The following MYH14 variants were observed in gnomAD, a reference collection of about 807,000 sequenced individuals.
MYH14 encodes myosin-14.
A neutral mutation model predicts 255.5 loss-of-function variants in MYH14; 123 were observed. The observed-to-expected ratio is 0.48, with a 90% confidence interval of 0.42 to 0.56. The LOEUF (loss-of-function observed/expected upper bound fraction) is 0.56, where lower values mean the gene tolerates loss of function less well. MYH14 is among the 20% of genes least tolerant of loss of function. MYH14 has a pLI of 0.00. For synonymous variants in MYH14, 1,095 were observed against 1,161.2 expected (o/e 0.94, Z 1.16); for missense variants, 2,423 against 2,802.3 (o/e 0.86, Z 3.06).
intron 32 of MYH14, among the ~76,000 whole-genome samples, chr19:50,281,017 C>T (rs2035700184): frequency 6.6e-6 from 1 of 152,196 alleles, no homozygotes; most frequent in Non-Finnish European, 1.5e-5. Flanking sequence ...TGAGTCTCCC[C>T]ACCAGACTGA....
intron 2 of MYH14, among the ~76,000 whole-genome samples, chr19:50,214,569 G>A (rs1314771684): frequency 1.3e-5 from 2 of 152,120 alleles, no homozygotes; most frequent in African/African-American, 4.8e-5. Context: ...CTAGGTGATG[G>A]GTTAAAAGCC....
intron 30 of MYH14, among the ~76,000 whole-genome samples, chr19:50,279,691 A>G (rs981662348): frequency 2.6e-5 from 4 of 152,262 alleles, no homozygotes; most frequent in African/African-American, 9.6e-5. Flanking sequence ...CTATTGCCGA[A>G]TAATGCCCGT....
At chr19:50,233,124 A>G (rs1203568693) in intron 10 of MYH14, among the ~76,000 whole-genome samples, 1 of 151,662 alleles carries the variant, frequency 6.6e-6, no homozygotes, top group Non-Finnish European at 1.5e-5. Flanking sequence ...ATTTGGTGTT[A>G]AATGCTCAGC....
intron 34 of MYH14, among the ~76,000 whole-genome samples, chr19:50,287,758 T>C (rs1366742123): frequency 6.6e-6 from 1 of 152,160 alleles, no homozygotes. Context: ...TATGTACACA[T>C]ACAGCATGAG....
intron 39 of MYH14, among the ~76,000 whole-genome samples, chr19:50,296,108 CA>C (rs79336591): frequency 0.032 from 3,863 of 119,410 alleles, 128 homozygotes; most frequent in African/African-American, 0.1. Flanking sequence ...GACTTTGTCT[CA>C]AAAAAAAAAA....
At chr19:50,207,496 G>A (rs10403901) in intron 1 of MYH14, among the ~76,000 whole-genome samples, 3,215 of 152,120 alleles carry the variant, frequency 0.021, 113 homozygotes, top group African/African-American at 0.073. Context: ...AGCTGGAGCT[G>A]GATCCACCCC....
At chr19:50,302,284 TAAA>T (rs57153887) in intron 40 of MYH14, among the ~76,000 whole-genome samples, 1 of 117,376 alleles carries the variant, frequency 8.5e-6, no homozygotes, top group African/African-American at 3.4e-5. Context: ...ACCTTGTCTC[TAAA>T]AAAAAAAAAA....
chr19:50,222,392 A>T (rs2032874735), intron 3 of MYH14, among the ~76,000 whole-genome samples: 1 of 147,968 alleles, frequency 6.8e-6, no homozygotes, highest in Admixed American at 6.9e-5. Flanking sequence ...AGGCAGGAGA[A>T]TGGCGTGAAC....
intron 40 of MYH14, among the ~76,000 whole-genome samples, chr19:50,305,136 G>C (rs2036612781): frequency 6.6e-6 from 1 of 152,078 alleles, no homozygotes; most frequent in Non-Finnish European, 1.5e-5. Context: ...GACACGGCCA[G>C]CTCTAGGTAT....
chr19:50,249,846 C>T, intron 14 of MYH14, 23 bp downstream of exon 14: 2 of 1,613,206 alleles, frequency 1.2e-6, no homozygotes, highest in Non-Finnish European at 1.7e-6. Context: ...CCCCTCCCAG[C>T]CCACACTCAC....
At chr19:50,272,117 C>A in intron 26 of MYH14, 145 bp downstream of exon 26, 1 of 1,087,780 alleles carries the variant, frequency 9.2e-7, no homozygotes, top group Non-Finnish European at 1.3e-6. Context: ...GTCCTCCCAG[C>A]TCTTGAGTTC....
Position 50,210,471 on chromosome 19 carries a change from G to A in MYH14, c.106G>A (p.Ala36Thr), listed in dbSNP as rs772573950. ...CCTGTTCACGCCCCGCGGGCCCAGC[G>A]CGGGTGGCGGGCCTGGCTCGGGCAC... ...PFLFTPRGPS[A>T]GGGPGSGTSP... Residue 36 changes from alanine (A) to threonine (T), a missense_variant, in exon 2 of 43, where the codon GCG becomes ACG. By Grantham distance (58) the Ala-to-Thr change is moderately conservative (BLOSUM62 0). Transcript: ENST00000642316. 18 of 1,548,666 alleles carry A rather than the reference G, an allele frequency of 1.2e-5. No individual in the cohort carries two copies. The highest frequency in any genetic ancestry group is 8.3e-5 in the African/African-American group (6 of 72,254).
intron 10 of MYH14, among the ~76,000 whole-genome samples, chr19:50,242,228 A>T (rs1435204218): frequency 6.6e-6 from 1 of 152,006 alleles, no homozygotes; most frequent in Non-Finnish European, 1.5e-5. Flanking sequence ...ACTTTCTAGA[A>T]CTCTGCACAG....
intron 40 of MYH14, among the ~76,000 whole-genome samples, chr19:50,304,893 C>T (rs2036606083): frequency 6.6e-6 from 1 of 152,038 alleles, no homozygotes; most frequent in South Asian, 2.1e-4. Flanking sequence ...GCTTAGAGTC[C>T]CAAGTCAGTT....
Position 50,244,632 on chromosome 19 carries a change from C to T in MYH14, c.1210+295C>T, listed in dbSNP as rs545666387. ...CTGAGTAGCTGGGACTACAGGCGCC[C>T]GCCACCACGCCCGGCTAATTGTTTG... On this transcript the variant is annotated intron_variant, in intron 11 of 42. Transcript: ENST00000642316. Among the ~76,000 whole-genome samples, 177 of 152,026 alleles carry T rather than the reference C, an allele frequency of 1.2e-3. 1 individual carries two copies. Among genetic ancestry groups the T allele is most frequent in the African/African-American group, 3.7e-3 (152 of 41,496 alleles).
intron 15 of MYH14, among the ~76,000 whole-genome samples, chr19:50,251,405 C>T (rs113108286): frequency 6.6e-5 from 10 of 151,790 alleles, no homozygotes; most frequent in South Asian, 4.2e-4. Flanking sequence ...CTCTTGCCCC[C>T]AGAAGGGCCC....
chr19:50,227,030 A>C, intron 8 of MYH14, 64 bp downstream of exon 8: 1 of 1,379,630 alleles, frequency 7.2e-7, no homozygotes, highest in Non-Finnish European at 9.9e-7. Context: ...AGCACTGAGT[A>C]TGGAAAGCAC....
intron 4 of MYH14, 31 bp from the exon 5 acceptor site, chr19:50,223,216 A>G (rs1363931550): frequency 6.2e-7 from 1 of 1,610,780 alleles, no homozygotes; most frequent in South Asian, 1.1e-5. Flanking sequence ...GTCATTGCCA[A>G]CCCCTTTGCT....
At position 50,281,894 on chromosome 19, in the gene MYH14, TC is replaced by T. The variant is rs993346180; in HGVS notation, c.4539+55del. ...GGGAATCAGCAAGTCCATCTACGCT[TC>T]CCATGGTCGTTGTGAGGAACCAGTA... On this transcript the variant is annotated intron_variant, in intron 33 of 42. Transcript: ENST00000642316. 9.5e-6 allele frequency: 15 copies of T among 1,574,590 alleles called. No homozygotes were observed. In the African/African-American group the frequency reaches 1.1e-4, roughly 11 times the overall value.
Sources: allele counts gnomAD v4.1 joint callset (sites outside exome capture counted in the v4.1 genomes callset), GRCh38; gene constraint gnomAD v4.1.1; transcripts MANE v1.5; gene names NCBI Gene and HGNC (gene_info 2026-07-23, HGNC 2026-07-21).